Variants in USP4 observed in about 807,000 individuals in gnomAD.
The protein encoded by USP4 is ubiquitin specific peptidase 4, also known as ubiquitin carboxyl-terminal hydrolase 4.
USP4 carries 72 observed loss-of-function variants against 118.2 expected under a neutral mutation model. The ratio of observed to expected loss-of-function variants is 0.61; its 90% confidence interval spans 0.50 to 0.74. The LOEUF is 0.74. Ranked by LOEUF, USP4 falls within the 30% of genes least tolerant of loss-of-function variation. The pLI is 0.00. For synonymous variants in USP4, 415 were observed against 440.4 expected (o/e 0.94, Z 0.72); for missense variants, 1,037 against 1,185.7 (o/e 0.87, Z 1.84).
At chr3:49,326,460 G>A (rs924187723) in intron 3 of USP4, among the ~76,000 whole-genome samples, 6 of 151,958 alleles carry the variant, frequency 3.9e-5, no homozygotes, top group Non-Finnish European at 7.4e-5. Flanking sequence ...GCAGTGGTGC[G>A]ATCTCAGCTC....
At position 49,325,190 on chromosome 3, in the gene USP4, A is replaced by G. The variant is rs1030002800; in HGVS notation, c.488-151T>C. 1.0e-5 allele frequency: 10 copies of G among 979,358 alleles called. No individual in the cohort carries two copies. In the African/African-American group the frequency reaches 1.5e-4, roughly 14 times the overall value. 60.7% of individuals were successfully genotyped at this position (979,358 alleles called of 1,614,324 possible). A position where few individuals can be genotyped will look rare whatever the true frequency, so the allele number is the denominator to read the frequency against. On this transcript the variant is annotated intron_variant, in intron 4 of 21. Transcript: ENST00000265560. ...TACCTCTTAAAATCAATCATCTCCC[A>G]TGGGTGGCCTCTTGCACTCATATGC...
chr3:49,282,727 A>G (rs899581306), intron 19 of USP4, among the ~76,000 whole-genome samples: 74 of 150,796 alleles, frequency 4.9e-4, no homozygotes, highest in African/African-American at 1.8e-3. Context: ...CTTTTTTTGG[A>G]AACAGGGGCT....
chr3:49,330,452 C>A (rs1221677162), intron 2 of USP4, among the ~76,000 whole-genome samples: 1 of 151,674 alleles, frequency 6.6e-6, no homozygotes, highest in Non-Finnish European at 1.5e-5. Flanking sequence ...CTCAGCCTCC[C>A]GAGGAGCTGG....
intron 6 of USP4, among the ~76,000 whole-genome samples, chr3:49,320,514 G>A (rs1183293273): frequency 3.9e-5 from 6 of 152,138 alleles, no homozygotes; most frequent in African/African-American, 1.4e-4. Context: ...TGATGCAATC[G>A]TGGCTCACGG....
chr3:49,308,018 T>A (rs1286377590), intron 8 of USP4, among the ~76,000 whole-genome samples: 1 of 150,804 alleles, frequency 6.6e-6, no homozygotes, highest in East Asian at 2.0e-4. Flanking sequence ...AAAAAAAAAA[T>A]GAATTTTGCT....
intron 3 of USP4, among the ~76,000 whole-genome samples, chr3:49,327,088 GC>G (rs1384820853): frequency 2.0e-5 from 3 of 152,242 alleles, no homozygotes. Context: ...ATGTCCATAT[GC>G]CCCCAGTGAA....
intron 11 of USP4, among the ~76,000 whole-genome samples, chr3:49,300,021 A>G (rs2047248904): frequency 6.6e-6 from 1 of 152,104 alleles, no homozygotes. Context: ...CAAGATGGGC[A>G]GATTACTTGA....
intron 13 of USP4, among the ~76,000 whole-genome samples, chr3:49,297,132 A>C (rs1476635263): frequency 6.6e-6 from 1 of 152,234 alleles, no homozygotes; most frequent in East Asian, 1.9e-4. Context: ...TTCTCAGCAG[A>C]GGCAAGTTCC....
chr3:49,301,323 C>T (rs1302550187), intron 10 of USP4, among the ~76,000 whole-genome samples: 1 of 152,096 alleles, frequency 6.6e-6, no homozygotes. Context: ...AACAGAAGCC[C>T]GGAGAACACT....
intron 2 of USP4, 98 bp from the exon 3 acceptor site, chr3:49,327,914 T>C (rs1349092208): frequency 8.0e-7 from 1 of 1,257,110 alleles, no homozygotes. Flanking sequence ...GAAAATTATT[T>C]ACAGAAAGAA....
At position 49,284,104 on chromosome 3, in the gene USP4, G is replaced by T. The variant is rs2047068804; in HGVS notation, c.2423C>A (p.Ala808Asp). ...YCPNCKKHQQ[A>D]TKKFDLWSLP... is the part of the protein sequence containing the mutation. The stretch of plus-strand genomic sequence containing the variant: ...GGACCATAGGTCAAACTTTTTTGTG[G>T]CCTGTTGATGCTTCTTACAGTTGGG... Residue 808 changes from alanine to aspartate, a missense_variant, in exon 19 of 22, where the codon GCC (alanine) becomes GAC (aspartate). By Grantham distance (126) the Ala-to-Asp change is moderately radical. Coordinates refer to ENST00000265560, the MANE Select transcript of USP4 (RefSeq NM_003363.4). 1 of 1,614,178 alleles carries T rather than the reference G, an allele frequency of 6.2e-7. No homozygotes were observed. Among genetic ancestry groups the T allele is most frequent in the Non-Finnish European group, 8.5e-7 (1 of 1,180,038 alleles).
rs1253667560 is a variant in USP4 at position 49,325,705 on chromosome 3, G to C, written c.487+14C>G. ...CTCTCACCACATACCAGGGACCCCAGCCCAGCCTCTCACCAATGGTGTCTG... is the reference window on the plus strand; with the variant it reads ...CTCTCACCACATACCAGGGACCCCACCCCAGCCTCTCACCAATGGTGTCTG... On this transcript the variant is annotated intron_variant, in intron 4 of 21. Transcript: ENST00000265560. 8 of 1,612,472 alleles carry C rather than the reference G, an allele frequency of 5.0e-6. No individual in the cohort carries two copies. Among genetic ancestry groups the C allele is most frequent in the Non-Finnish European group, 5.9e-6 (7 of 1,179,360 alleles).
chr3:49,331,269 A>G (rs947230287), intron 2 of USP4, among the ~76,000 whole-genome samples: 1 of 151,858 alleles, frequency 6.6e-6, no homozygotes, highest in Admixed American at 6.6e-5. Flanking sequence ...GTGGTGAGCC[A>G]AGATCGCACC....
At chr3:49,312,300 A>G in intron 6 of USP4, 1 of 342,072 alleles carries the variant, frequency 2.9e-6, no homozygotes, top group Non-Finnish European at 5.9e-6. Context: ...TCAGGAGTTC[A>G]AGACACAGTG....
At chr3:49,319,191 A>T (rs983085858) in intron 6 of USP4, among the ~76,000 whole-genome samples, 3 of 151,820 alleles carry the variant, frequency 2.0e-5, no homozygotes, top group South Asian at 2.1e-4. Flanking sequence ...GGTAGGTTTT[A>T]AAAAAGTTAT....
intron 19 of USP4, among the ~76,000 whole-genome samples, chr3:49,282,355 A>AC (rs1452327011): frequency 4.6e-5 from 7 of 151,962 alleles, no homozygotes; most frequent in Non-Finnish European, 1.0e-4. Flanking sequence ...ACTCACTGCA[A>AC]CCTCTGCCTC....
chr3:49,284,088 G>A lies in USP4; in HGVS notation c.2439C>T (p.Asp813=). Residue 813 remains aspartate (D), a synonymous_variant, in exon 19 of 22, where the codon GAC becomes GAT. Transcript: ENST00000265560. ...CCAGGATCTTGGGCAAGGACCATAGGTCAAACTTTTTTGTGGCCTGTTGAT... is the reference window on the plus strand; with the variant it reads ...CCAGGATCTTGGGCAAGGACCATAGATCAAACTTTTTTGTGGCCTGTTGAT... ...KKHQQATKKF[D]LWSLPKILVV... is the part of the protein sequence containing the mutation. 1 of 1,614,250 alleles carries A rather than the reference G, an allele frequency of 6.2e-7. No individual in the cohort carries two copies. Among genetic ancestry groups the A allele is most frequent in the East Asian group, 2.2e-5 (1 of 44,886 alleles).
intron 2 of USP4, among the ~76,000 whole-genome samples, chr3:49,332,118 C>A (rs2047623896): frequency 6.6e-6 from 1 of 150,736 alleles, no homozygotes; most frequent in African/African-American, 2.4e-5. Context: ...ACTAAAAATA[C>A]AAAAAAAAAT....
intron 8 of USP4, among the ~76,000 whole-genome samples, chr3:49,309,004 C>A (rs2047351158): frequency 6.8e-6 from 1 of 148,056 alleles, no homozygotes; most frequent in Admixed American, 6.8e-5. Flanking sequence ...TGCACTCCAG[C>A]CTGGGCAACA....
Sources: gnomAD v4.1 joint callset for allele counts (sites outside exome capture counted in the v4.1 genomes callset) on GRCh38, gnomAD v4.1.1 for gene constraint, MANE v1.5 for transcripts, NCBI Gene and HGNC (gene_info 2026-07-23, HGNC 2026-07-21) for gene names.